Variants in SRRM4 observed in about 807,000 individuals in gnomAD.
SRRM4 encodes serine/arginine repetitive matrix protein 4.
In SRRM4, 33 loss-of-function variants were observed where a neutral mutation model predicts 68.9. The ratio of observed to expected loss-of-function variants is 0.48; its 90% CI spans 0.36 to 0.64. SRRM4 has a LOEUF of 0.64. SRRM4 is among the 30% of genes least tolerant of loss of function. The pLI is 0.00. For missense variants in SRRM4, 817 were observed against 827.1 expected, an observed-to-expected ratio of 0.99 and a Z score of 0.15; for synonymous variants, 318 against 318.8, an observed-to-expected ratio of 1.00 and a Z score of 0.03.
intron 8 of SRRM4, among the ~76,000 whole-genome samples, chr12:119,133,412 C>G (rs1050397556): frequency 6.6e-6 from 1 of 152,106 alleles, no homozygotes; most frequent in African/African-American, 2.4e-5. Context: ...AGTATTGTTC[C>G]AGGCATAGGC....
intron 1 of SRRM4, among the ~76,000 whole-genome samples, chr12:119,090,097 AC>A (rs1259680569): frequency 6.6e-6 from 1 of 151,996 alleles, no homozygotes; most frequent in Non-Finnish European, 1.5e-5. Context: ...TAACTAGGAG[AC>A]CCTGGAAGCT....
At chr12:119,068,863 G>C (rs1953861436) in intron 1 of SRRM4, among the ~76,000 whole-genome samples, 1 of 152,120 alleles carries the variant, frequency 6.6e-6, no homozygotes. Context: ...TCTAGAGTCT[G>C]GGAGGAATCC....
intron 3 of SRRM4, 169 bp from the exon 4 acceptor site, chr12:119,116,768 C>A: frequency 3.7e-6 from 2 of 542,534 alleles, no homozygotes; most frequent in South Asian, 2.9e-5. Context: ...AATTTGTGAG[C>A]AATTAAAAAT....
At chr12:119,093,258 T>C (rs908917506) in intron 1 of SRRM4, among the ~76,000 whole-genome samples, 1 of 152,230 alleles carries the variant, frequency 6.6e-6, no homozygotes, top group Non-Finnish European at 1.5e-5. Flanking sequence ...AAGGTTTTTT[T>C]CTCTATCTTG....
At chr12:119,060,765 A>G (rs1953806932) in intron 1 of SRRM4, among the ~76,000 whole-genome samples, 1 of 152,038 alleles carries the variant, frequency 6.6e-6, no homozygotes, top group Admixed American at 6.6e-5. Flanking sequence ...CAGGCTTTCC[A>G]ATTCCCAAAG....
At chr12:119,083,110 T>C (rs953651326) in intron 1 of SRRM4, among the ~76,000 whole-genome samples, 6 of 152,022 alleles carry the variant, frequency 3.9e-5, no homozygotes, top group Non-Finnish European at 8.8e-5. Context: ...AGCACAGCCA[T>C]GTGCTGCAGC....
chr12:118,995,555 G>A (rs1953343676), intron 1 of SRRM4, among the ~76,000 whole-genome samples: 1 of 152,078 alleles, frequency 6.6e-6, no homozygotes, highest in Non-Finnish European at 1.5e-5. Context: ...TTCTATTTTG[G>A]GACTTGCCAA....
intron 1 of SRRM4, among the ~76,000 whole-genome samples, chr12:119,075,581 G>GTGA (rs899665358): frequency 2.8e-5 from 4 of 143,940 alleles, no homozygotes; most frequent in Admixed American, 6.9e-5. Flanking sequence ...GGTGATGATG[G>GTGA]TGATGATGAT....
intron 2 of SRRM4, among the ~76,000 whole-genome samples, chr12:119,113,790 C>T (rs964590111): frequency 5.9e-5 from 9 of 151,922 alleles, no homozygotes; most frequent in Admixed American, 3.9e-4. Flanking sequence ...TGAGGTTCTG[C>T]GAGGCAATAT....
intron 7 of SRRM4, among the ~76,000 whole-genome samples, chr12:119,126,206 TAG>T (rs1954259190): frequency 6.6e-6 from 1 of 151,626 alleles, no homozygotes; most frequent in Non-Finnish European, 1.5e-5. Context: ...GTATCTGTAG[TAG>T]AGACAGGGTT....
intron 1 of SRRM4, among the ~76,000 whole-genome samples, chr12:119,067,465 G>T (rs1953852965): frequency 6.6e-6 from 1 of 152,160 alleles, no homozygotes. Flanking sequence ...CTAGCACTTT[G>T]GGAGGCCAAG....
chr12:119,064,960 A>G (rs758083447), intron 1 of SRRM4, among the ~76,000 whole-genome samples: 2 of 152,220 alleles, frequency 1.3e-5, no homozygotes, highest in Non-Finnish European at 1.5e-5. Flanking sequence ...CCCCTGCTTT[A>G]CTGATAACAA....
At chr12:119,064,156 G>A (rs1953831422) in intron 1 of SRRM4, among the ~76,000 whole-genome samples, 1 of 152,074 alleles carries the variant, frequency 6.6e-6, no homozygotes, top group Non-Finnish European at 1.5e-5. Context: ...GGCTTCCTTG[G>A]CCATTTCATT....
chr12:119,124,139 T>A (rs1295897369), intron 6 of SRRM4: 5 of 152,172 alleles, frequency 3.3e-5, no homozygotes, highest in African/African-American at 1.2e-4. Context: ...TTAAGAAAAG[T>A]GCTTAGAATA....
At position 119,154,259 on chromosome 12, in the gene SRRM4, T is replaced by C. The variant is rs754402854; in HGVS notation, c.1408T>C (p.Tyr470His). 16 of 1,607,600 alleles carry C rather than the reference T, an allele frequency of 1.0e-5. No homozygotes were observed. Among genetic ancestry groups the C allele is most frequent in the East Asian group, 2.2e-5 (1 of 44,592 alleles). ...CCCCTTCAGGGAGCGGGATCCCAAA[T>C]ACAGTGAGAAGGACTCGCAGCAGCG... ...YSPSRERDPK[Y>H]SEKDSQQRER... The change falls in exon 12 of 13, where the codon TAC (tyrosine) becomes CAC (histidine). Residue 470 changes from tyrosine (Y) to histidine (H), a missense_variant. Physicochemically the swap from Tyr to His is moderately conservative, Grantham distance 83 (BLOSUM62 2). Coordinates refer to ENST00000267260, the MANE Select transcript of SRRM4 (RefSeq NM_194286.4). This position sits in a 1 kb window ranked among gnomAD's most constrained non-coding sequence, Gnocchi z 4.7.
At position 119,087,576 on chromosome 12, in the gene SRRM4, C is replaced by T. The variant is rs76180165; in HGVS notation, c.132-14660C>T. Among the ~76,000 whole-genome samples, 697 of 151,514 alleles carry T rather than the reference C, an allele frequency of 4.6e-3. 10 individuals carry two copies. The highest frequency in any genetic ancestry group is 0.044 in the East Asian group (221 of 5,048). On this transcript the variant is annotated intron_variant, in intron 1 of 12. Transcript: ENST00000267260. ...GAAACGCGCTGGAGGGAATATTGGT[C>T]GATGGGGTGTTTTTTTAGCTGTCGG... is the stretch of plus-strand genomic sequence containing the variant.
At position 119,159,651 on chromosome 12, in the gene SRRM4, A is replaced by G. The variant is rs1954497319; in HGVS notation, c.*2853A>G. On this transcript the variant is annotated 3_prime_UTR_variant, in exon 13 of 13. Transcript: ENST00000267260. The stretch of plus-strand genomic sequence containing the variant: ...ATCTCACCCTCACTCCAAGGCACAT[A>G]GCAGGATCACTCCCTAGCTTCTCTG... 1 of 152,170 alleles carries G rather than the reference A, an allele frequency of 6.6e-6. No homozygotes were observed. The highest frequency in any genetic ancestry group is 1.5e-5 in the Non-Finnish European group (1 of 68,050). 9.4% of individuals were successfully genotyped at this position (152,170 alleles called of 1,614,324 possible).
rs1954461957 is a variant in SRRM4 at position 119,154,716 on chromosome 12, TG to T, written c.1532+335del. Among the ~76,000 whole-genome samples the T allele has an allele frequency of 6.7e-6, 1 of 150,196 alleles. No individual in the cohort carries two copies. The highest frequency in any genetic ancestry group is 2.5e-5 in the African/African-American group (1 of 40,680). ...GGGGAGGCGGAGCTGGGGGAGAGAGTGGCGTCAGGCCAGGGAATGGAGGCCA... is the reference window on the plus strand; with the variant it reads ...GGGGAGGCGGAGCTGGGGGAGAGAGTGCGTCAGGCCAGGGAATGGAGGCCA... On this transcript the variant is annotated intron_variant, in intron 12 of 12. Transcript: ENST00000267260. This position sits in a 1 kb window ranked among gnomAD's most constrained non-coding sequence, Gnocchi z 4.7.
chr12:118,991,643 C>T (rs765575135), intron 1 of SRRM4: 2 of 152,184 alleles, frequency 1.3e-5, no homozygotes, highest in Non-Finnish European at 2.9e-5. Flanking sequence ...TTCCCCTCAT[C>T]GAATCACTTT....
Sources: allele counts gnomAD v4.1 joint callset (sites outside exome capture counted in the v4.1 genomes callset), GRCh38; gene constraint gnomAD v4.1.1; non-coding constraint Gnocchi (gnomAD v3.1); transcripts MANE v1.5; gene names NCBI Gene and HGNC (gene_info 2026-07-23, HGNC 2026-07-21).